PVT1: variants seen among roughly 807,000 people sequenced by gnomAD.
PVT1 encodes CXCR4/PVT1 fusion.
intron 2 of PVT1, among the ~76,000 whole-genome samples, chr8:127,814,864 CCA>C (rs1429068303): frequency 6.6e-6 from 1 of 152,190 alleles, no homozygotes; most frequent in Non-Finnish European, 1.5e-5. Context: ...CCCCTGGTAT[CCA>C]CAGTTTCTAT....
chr8:128,054,800 T>G (rs1348838852), intron 4 of PVT1, among the ~76,000 whole-genome samples: 1 of 152,160 alleles, frequency 6.6e-6, no homozygotes, highest in Non-Finnish European at 1.5e-5. Context: ...CATGTGATGG[T>G]TAATTCCATC....
intron 3 of PVT1, among the ~76,000 whole-genome samples, chr8:127,907,565 T>C (rs1192150220): frequency 6.6e-6 from 1 of 152,164 alleles, no homozygotes; most frequent in Non-Finnish European, 1.5e-5. Flanking sequence ...GGGTGCATGC[T>C]GGACAGGGAG....
At chr8:128,011,915 C>T (rs752729489) in intron 4 of PVT1, among the ~76,000 whole-genome samples, 1 of 152,130 alleles carries the variant, frequency 6.6e-6, no homozygotes, top group Non-Finnish European at 1.5e-5. Context: ...CTGGAGATAT[C>T]CACACAGGGA....
rs562107796 is a variant in PVT1, at chr8:127,864,417, A to G, written n.373-26172A>G. Reference sequence around the variant, plus strand: ...CCGTCAGGGTTTGTGGGCAAGATTCAGTAACTGGATGCCTGCTCCTGGCCC... The same window carrying G: ...CCGTCAGGGTTTGTGGGCAAGATTCGGTAACTGGATGCCTGCTCCTGGCCC... On this transcript the variant is annotated intron_variant and non_coding_transcript_variant, in intron 2 of 10. Transcript: ENST00000651587. 4.1e-3 allele frequency among the ~76,000 whole-genome samples: 620 copies of G among 152,276 alleles called. 11 individuals carry two copies. Among genetic ancestry groups the G allele is most frequent in the Non-Finnish European group, 2.8e-3 (192 of 68,002 alleles).
chr8:128,041,256 G>A (rs965358682), intron 4 of PVT1, among the ~76,000 whole-genome samples: 17 of 147,686 alleles, frequency 1.2e-4, no homozygotes, highest in Non-Finnish European at 2.1e-4. Flanking sequence ...GTGTGTGTTT[G>A]TGCATGTGTG....
In PVT1 at chr8:127,928,944, AG is replaced by A. The variant is rs1276808921; in HGVS notation, n.782+37949del. On this transcript the variant is annotated intron_variant and non_coding_transcript_variant, in intron 3 of 10. Transcript: ENST00000651587. Reference sequence around the variant, plus strand: ...TCAGGAAAGATCGCTGTGTTTGTAAAGGGTATAATTTACTGTTGCTTTTGCA... The same window carrying A: ...TCAGGAAAGATCGCTGTGTTTGTAAAGGTATAATTTACTGTTGCTTTTGCA... 3.9e-5 allele frequency among the ~76,000 whole-genome samples: 6 copies of A among 152,340 alleles called. No individual in the cohort carries two copies. In the East Asian group the frequency reaches 7.7e-4, roughly 20 times the overall value.
chr8:127,799,300 T>C (rs1814435710), intron 2 of PVT1, among the ~76,000 whole-genome samples: 1 of 152,182 alleles, frequency 6.6e-6, no homozygotes, highest in Admixed American at 6.5e-5. Context: ...GGCTTATGCC[T>C]ATAATTTTTG....
chr8:127,849,207 G>A (rs1354641856), intron 2 of PVT1, among the ~76,000 whole-genome samples: 1 of 152,166 alleles, frequency 6.6e-6, no homozygotes, highest in Non-Finnish European at 1.5e-5. Flanking sequence ...GATCCTGGAG[G>A]TTTTAGGCTG....
Position 127,859,222 on chromosome 8 carries a change from C to T in PVT1, n.373-31367C>T, listed in dbSNP as rs1029875898. Among the ~76,000 whole-genome samples, 20 of 152,156 alleles carry T rather than the reference C, an allele frequency of 1.3e-4. No homozygotes were observed. The East Asian group carries it at 3.9e-3, about 29-fold the overall frequency. On this transcript the variant is annotated intron_variant and non_coding_transcript_variant, in intron 2 of 10. Transcript: ENST00000651587. ...TCTCATTTTGGACAATTTTGATTGT[C>T]GGCTTGGCTCTTCAACTGCCTGTGT... is the stretch of plus-strand genomic sequence containing the variant.
chr8:127,919,664 G>A (rs1816033662), intron 3 of PVT1, among the ~76,000 whole-genome samples: 1 of 152,186 alleles, frequency 6.6e-6, no homozygotes, highest in Non-Finnish European at 1.5e-5. Context: ...CCTCTGCCTG[G>A]AAGAGCTGCC....
At chr8:128,079,136 A>C (rs1486582271) in intron 5 of PVT1, among the ~76,000 whole-genome samples, 3 of 147,500 alleles carry the variant, frequency 2.0e-5, no homozygotes, top group Non-Finnish European at 4.5e-5. Flanking sequence ...ATTTGCTTTT[A>C]TCCATGTGGT....
chr8:127,941,098 G>A (rs1816343903), intron 3 of PVT1, among the ~76,000 whole-genome samples: 1 of 152,212 alleles, frequency 6.6e-6, no homozygotes, highest in South Asian at 2.1e-4. Flanking sequence ...GATGCATTGA[G>A]CTTCTGGAAG....
intron 3 of PVT1, among the ~76,000 whole-genome samples, chr8:127,971,742 C>G (rs997880710): frequency 6.6e-6 from 1 of 152,194 alleles, no homozygotes; most frequent in Non-Finnish European, 1.5e-5. Flanking sequence ...ACCCCAAATG[C>G]CCACTGTGAG....
chr8:128,046,644 C>A (rs1422869992), intron 4 of PVT1, among the ~76,000 whole-genome samples: 1 of 152,226 alleles, frequency 6.6e-6, no homozygotes, highest in Non-Finnish European at 1.5e-5. Flanking sequence ...TAGCACAGCA[C>A]CTGAGAAATA....
At chr8:128,070,830 A>G (rs768467157) in intron 5 of PVT1, among the ~76,000 whole-genome samples, 1 of 152,162 alleles carries the variant, frequency 6.6e-6, no homozygotes, top group Non-Finnish European at 1.5e-5. Flanking sequence ...CCTGCCATGG[A>G]CTTTTTTTGA....
intron 3 of PVT1, among the ~76,000 whole-genome samples, chr8:127,912,197 G>A (rs148813724): frequency 3.1e-4 from 47 of 152,326 alleles, no homozygotes; most frequent in African/African-American, 1.1e-3. Context: ...TACTAAACAT[G>A]TAGACAGTTT....
chr8:128,049,916 G>T (rs528755276), intron 4 of PVT1, among the ~76,000 whole-genome samples: 1 of 152,282 alleles, frequency 6.6e-6, no homozygotes, highest in African/African-American at 2.4e-5. Flanking sequence ...AATGCTGAAG[G>T]AAAGGACACT....
intron 4 of PVT1, chr8:128,048,355 A>C (rs1813645287): frequency 1.3e-5 from 2 of 152,252 alleles, no homozygotes; most frequent in Non-Finnish European, 2.9e-5. Context: ...CTAAGCCCTG[A>C]GGTCACTCAC....
At chr8:127,863,917 C>CT (rs1815256700) in intron 2 of PVT1, among the ~76,000 whole-genome samples, 1 of 152,194 alleles carries the variant, frequency 6.6e-6, no homozygotes, top group Non-Finnish European at 1.5e-5. Flanking sequence ...GGTGCCAGGC[C>CT]TTTGCCCCCA....
Sources: gnomAD v4.1 joint callset for allele counts (sites outside exome capture counted in the v4.1 genomes callset) on GRCh38, gnomAD v4.1.1 for gene constraint, MANE v1.5 for transcripts, NCBI Gene and HGNC (gene_info 2026-07-23, HGNC 2026-07-21) for gene names.